Variants in PDS5B observed in about 807,000 individuals in gnomAD.
PDS5B encodes the protein PDS5 cohesin associated factor B, also known as sister chromatid cohesion protein PDS5 homolog B.
A neutral mutation model predicts 184.1 loss-of-function variants in PDS5B; 51 were observed. The ratio of observed to expected loss-of-function variants is 0.28; its 90% CI spans 0.22 to 0.35. The LOEUF (loss-of-function observed/expected upper bound fraction) is 0.35. Ranked by LOEUF, PDS5B falls within the 10% of genes least tolerant of loss-of-function variation. PDS5B has a pLI of 1.00. For synonymous variants in PDS5B, 566 were observed against 569.2 expected (o/e 0.99, Z 0.08); for missense variants, 1,180 against 1,723.3 (o/e 0.68, Z 5.58).
intron 3 of PDS5B, among the ~76,000 whole-genome samples, chr13:32,653,652 G>A (rs1950425518): frequency 1.3e-5 from 2 of 152,218 alleles, no homozygotes; most frequent in South Asian, 4.1e-4. Context: ...AGGTGGTATT[G>A]AATTGTAAGA....
At chr13:32,674,400 A>G (rs1951014260) in intron 8 of PDS5B, among the ~76,000 whole-genome samples, 1 of 152,118 alleles carries the variant, frequency 6.6e-6, no homozygotes, top group South Asian at 2.1e-4. Flanking sequence ...AGTTTTTGGT[A>G]TATTTCTCAA....
chr13:32,714,239 A>G (rs1347661163), intron 19 of PDS5B, among the ~76,000 whole-genome samples: 1 of 152,242 alleles, frequency 6.6e-6, no homozygotes, highest in East Asian at 1.9e-4. Context: ...TTCGGGCACC[A>G]TTGTCACTGA....
At chr13:32,611,431 A>C (rs1186560558) in intron 1 of PDS5B, among the ~76,000 whole-genome samples, 2 of 147,458 alleles carry the variant, frequency 1.4e-5, no homozygotes, top group African/African-American at 5.0e-5. Context: ...GTCTTTTTCT[A>C]CTCCATCCTT....
At position 32,619,125 on chromosome 13, in the gene PDS5B, A is replaced by C. The variant is rs573866224; in HGVS notation, c.-19-29629A>C. Among the ~76,000 whole-genome samples, 4 of 151,606 alleles carry C rather than the reference A, an allele frequency of 2.6e-5. No homozygotes were observed. The South Asian group carries it at 8.4e-4, about 32-fold the overall frequency. The stretch of plus-strand genomic sequence containing the variant: ...TTTCAGAAGTTGTTTGGCTGTTTGC[A>C]TGTCTAAATGATTTAAAAATTTGGT... On this transcript the variant is annotated intron_variant, in intron 1 of 34. Coordinates refer to ENST00000315596, the MANE Select transcript of PDS5B (RefSeq NM_015032.4).
intron 1 of PDS5B, among the ~76,000 whole-genome samples, chr13:32,618,826 C>CT (rs972974490): frequency 6.6e-6 from 1 of 151,664 alleles, no homozygotes; most frequent in African/African-American, 2.4e-5. Context: ...TGCTTTTTTT[C>CT]TTTTTTCCCC....
At chr13:32,678,977 A>G (rs1171281475) in intron 10 of PDS5B, 48 bp downstream of exon 10, 1 of 1,046,088 alleles carries the variant, frequency 9.6e-7, no homozygotes, top group East Asian at 2.4e-5. Flanking sequence ...TCTTCAGTGG[A>G]AAAAAATAAG....
chr13:32,702,110 G>A (rs1323011311), intron 17 of PDS5B, among the ~76,000 whole-genome samples: 1 of 151,998 alleles, frequency 6.6e-6, no homozygotes, highest in Non-Finnish European at 1.5e-5. Context: ...TTAGTCATCA[G>A]TAGTGTTCTT....
intron 1 of PDS5B, among the ~76,000 whole-genome samples, chr13:32,605,400 C>T (rs539029809): frequency 1.9e-4 from 29 of 152,306 alleles, no homozygotes; most frequent in African/African-American, 6.3e-4. Flanking sequence ...GTTTCTTAAT[C>T]CTGAGTTCCA....
chr13:32,675,200 A>G (rs1337523576), intron 8 of PDS5B, among the ~76,000 whole-genome samples: 1 of 152,174 alleles, frequency 6.6e-6, no homozygotes, highest in Non-Finnish European at 1.5e-5. Context: ...TAGTATTGTG[A>G]CTGGCTCATT....
At position 32,770,400 on chromosome 13, in the gene PDS5B, C is replaced by G; in HGVS notation, c.3904C>G (p.Pro1302Ala). Residue 1302 changes from proline to alanine, a missense_variant, in exon 32 of 35, where the codon CCA (proline) becomes GCA (alanine). Physicochemically the swap from Pro to Ala is conservative, Grantham distance 27. Coordinates refer to ENST00000315596, the MANE Select transcript of PDS5B (RefSeq NM_015032.4). ...RPPKPLGGGTPKEEPTMKTSK... is the reference protein window; with the variant it reads ...RPPKPLGGGTAKEEPTMKTSK... ...ACCAAAACCTCTTGGTGGAGGTACACCAAAAGAAGAGCCAACAATGAAAAC... is the reference window on the plus strand; with the variant it reads ...ACCAAAACCTCTTGGTGGAGGTACAGCAAAAGAAGAGCCAACAATGAAAAC... The G allele has an allele frequency of 6.2e-7, 1 of 1,607,668 alleles. No individual in the cohort carries two copies. Among genetic ancestry groups the G allele is most frequent in the Non-Finnish European group, 8.5e-7 (1 of 1,177,572 alleles).
chr13:32,759,070 A>C (rs1413806240), intron 28 of PDS5B, among the ~76,000 whole-genome samples: 1 of 152,190 alleles, frequency 6.6e-6, no homozygotes, highest in Non-Finnish European at 1.5e-5. Context: ...GTGTTACCAA[A>C]CCATGCTCCA....
intron 1 of PDS5B, among the ~76,000 whole-genome samples, chr13:32,589,070 G>C (rs1015373920): frequency 7.2e-5 from 11 of 152,176 alleles, no homozygotes; most frequent in Non-Finnish European, 7.3e-5. Context: ...TGTATATAAC[G>C]TATATTGGAA....
chr13:32,681,215 ATTCT>A (rs1248306838), intron 10 of PDS5B, among the ~76,000 whole-genome samples: 1 of 152,178 alleles, frequency 6.6e-6, no homozygotes, highest in East Asian at 1.9e-4. Flanking sequence ...TCTATAGAAG[ATTCT>A]TTCTTTCTCC....
At chr13:32,587,055 C>T (rs1488715856) in intron 1 of PDS5B, among the ~76,000 whole-genome samples, 1 of 146,190 alleles carries the variant, frequency 6.8e-6, no homozygotes, top group Non-Finnish European at 1.5e-5. Flanking sequence ...CGGCTGTTTC[C>T]CGGGCGGCAG....
intron 19 of PDS5B, 108 bp from the exon 20 acceptor site, chr13:32,731,991 CTT>C: frequency 3.4e-6 from 3 of 872,902 alleles, no homozygotes; most frequent in Non-Finnish European, 5.1e-6. Context: ...ATCTTGGTGA[CTT>C]TTTCTGACCT....
intron 30 of PDS5B, among the ~76,000 whole-genome samples, chr13:32,760,922 T>G (rs1347897800): frequency 3.3e-5 from 5 of 152,228 alleles, no homozygotes; most frequent in Non-Finnish European, 7.3e-5. Context: ...AGTCTTTCAT[T>G]CTTTAGCTTG....
At chr13:32,710,920 C>T (rs1326916155) in intron 19 of PDS5B, among the ~76,000 whole-genome samples, 1 of 152,088 alleles carries the variant, frequency 6.6e-6, no homozygotes, top group African/African-American at 2.4e-5. Flanking sequence ...TTCTGTTATT[C>T]CTTTCTGTTC....
intron 1 of PDS5B, among the ~76,000 whole-genome samples, chr13:32,622,631 A>G (rs1316712357): frequency 6.6e-6 from 1 of 152,184 alleles, no homozygotes; most frequent in Non-Finnish European, 1.5e-5. Context: ...GATGTGTTAA[A>G]ACTTGTACTG....
At chr13:32,699,004 C>T (rs936274385) in intron 15 of PDS5B, among the ~76,000 whole-genome samples, 1 of 152,138 alleles carries the variant, frequency 6.6e-6, no homozygotes, top group Non-Finnish European at 1.5e-5. Context: ...CCTCCTGCCT[C>T]GGCCTCACAA....
Sources: gnomAD v4.1 joint callset for allele counts (sites outside exome capture counted in the v4.1 genomes callset) on GRCh38, gnomAD v4.1.1 for gene constraint, MANE v1.5 for transcripts, NCBI Gene and HGNC (gene_info 2026-07-23, HGNC 2026-07-21) for gene names.